Variants in CPA6 observed in about 807,000 individuals in gnomAD.
CPA6 encodes carboxypeptidase B.
In CPA6, 58 loss-of-function variants were observed where a neutral mutation model predicts 63.3. The observed-to-expected ratio is 0.92, with a 90% CI of 0.74 to 1.14. The LOEUF (loss-of-function observed/expected upper bound fraction) is 1.14. Among genes scored for constraint, CPA6 ranks in the 50% most tolerant of loss-of-function variants. The probability of loss-of-function intolerance (pLI) is 0.00; values close to 1 mark genes in which losing one functional copy is unlikely to be tolerated. For synonymous variants in CPA6, 185 were observed against 179.0 expected (o/e 1.03, Z -0.27); for missense variants, 565 against 526.6 (o/e 1.07, Z -0.71).
chr8:67,544,385 A>G (rs577685380), intron 2 of CPA6, among the ~76,000 whole-genome samples: 5 of 152,218 alleles, frequency 3.3e-5, no homozygotes, highest in African/African-American at 9.6e-5. Context: ...TCTCTGGAGC[A>G]CCCATTGCTT....
intron 2 of CPA6, among the ~76,000 whole-genome samples, chr8:67,552,823 G>A (rs868663626): frequency 1.4e-5 from 2 of 144,508 alleles, no homozygotes; most frequent in East Asian, 2.0e-4. Context: ...AACAAGAGAA[G>A]GGCCTCTTTC....
intron 2 of CPA6, among the ~76,000 whole-genome samples, chr8:67,528,916 C>T (rs1812420945): frequency 1.3e-5 from 2 of 151,558 alleles, no homozygotes; most frequent in Admixed American, 1.3e-4. Flanking sequence ...ACAGGAGAGA[C>T]TATTGAAAAG....
intron 1 of CPA6, among the ~76,000 whole-genome samples, chr8:67,675,868 C>T (rs1367142442): frequency 6.6e-6 from 1 of 152,188 alleles, no homozygotes; most frequent in African/African-American, 2.4e-5. Context: ...TGGAGTCTCA[C>T]TACATTGCCC....
chr8:67,593,932 C>T (rs1429165342), intron 2 of CPA6, among the ~76,000 whole-genome samples: 3 of 148,428 alleles, frequency 2.0e-5, no homozygotes, highest in Non-Finnish European at 3.0e-5. Context: ...CATTATGATG[C>T]TAGCTGGTTA....
intron 2 of CPA6, among the ~76,000 whole-genome samples, chr8:67,619,984 C>T (rs577583514): frequency 6.6e-6 from 1 of 152,190 alleles, no homozygotes; most frequent in Non-Finnish European, 1.5e-5. Flanking sequence ...AATGGGCAAT[C>T]AAACCTAGTG....
chr8:67,428,472 T>C (rs930179001), intron 9 of CPA6, among the ~76,000 whole-genome samples: 13 of 152,234 alleles, frequency 8.5e-5, no homozygotes, highest in African/African-American at 2.9e-4. Flanking sequence ...TTGACTTTAG[T>C]TCAAGGCAAC....
At chr8:67,642,793 TCACACA>T (rs61054637) in intron 1 of CPA6, among the ~76,000 whole-genome samples, 36 of 145,172 alleles carry the variant, frequency 2.5e-4, no homozygotes, top group African/African-American at 6.1e-4. Flanking sequence ...GGCCTTTATC[TCACACA>T]CACACACACA....
intron 2 of CPA6, among the ~76,000 whole-genome samples, chr8:67,606,174 G>A (rs1030018207): frequency 7.5e-6 from 1 of 133,296 alleles, no homozygotes; most frequent in Non-Finnish European, 1.6e-5. Flanking sequence ...ACACTCTGGG[G>A]ACTGTTTTGG....
At chr8:67,446,858 G>A (rs921866631) in intron 8 of CPA6, among the ~76,000 whole-genome samples, 29 of 152,042 alleles carry the variant, frequency 1.9e-4, no homozygotes, top group African/African-American at 6.0e-4. Context: ...AAAACTGAGC[G>A]TAGTTAACAT....
chr8:67,608,237 T>C (rs985766839), intron 2 of CPA6, among the ~76,000 whole-genome samples: 1 of 152,138 alleles, frequency 6.6e-6, no homozygotes, highest in Non-Finnish European at 1.5e-5. Context: ...AGAACAGGCA[T>C]TCCTGTTTTC....
intron 8 of CPA6, among the ~76,000 whole-genome samples, chr8:67,443,632 A>G (rs1213950883): frequency 6.6e-6 from 1 of 152,200 alleles, no homozygotes; most frequent in Non-Finnish European, 1.5e-5. Flanking sequence ...AAGAAACCCC[A>G]TACTTTTTAG....
At chr8:67,424,550 T>C (rs1442443144) in intron 10 of CPA6, among the ~76,000 whole-genome samples, 3 of 152,208 alleles carry the variant, frequency 2.0e-5, no homozygotes, top group Non-Finnish European at 1.5e-5. Context: ...CTTTGTGTTA[T>C]TAATTATGCA....
chr8:67,467,694 T>C (rs1810957916), intron 8 of CPA6, among the ~76,000 whole-genome samples: 1 of 152,132 alleles, frequency 6.6e-6, no homozygotes, highest in Admixed American at 6.6e-5. Context: ...TCAGTTGTTT[T>C]CTTCCAGCTT....
chr8:67,469,956 T>C (rs573245897), intron 8 of CPA6, among the ~76,000 whole-genome samples: 136 of 152,226 alleles, frequency 8.9e-4, no homozygotes, highest in Non-Finnish European at 1.6e-3. Context: ...CCCAAGTACC[T>C]AGCTCACAAT....
chr8:67,450,472 C>T (rs936147020), intron 8 of CPA6, among the ~76,000 whole-genome samples: 3 of 152,196 alleles, frequency 2.0e-5, no homozygotes, highest in Non-Finnish European at 2.9e-5. Context: ...TAAGCCACTC[C>T]TGAAGTCTAG....
chr8:67,481,541 T>C (rs1385447970), intron 8 of CPA6, among the ~76,000 whole-genome samples: 1 of 152,226 alleles, frequency 6.6e-6, no homozygotes, highest in African/African-American at 2.4e-5. Flanking sequence ...ATCCACAGAT[T>C]CTTCATGGTA....
intron 2 of CPA6, among the ~76,000 whole-genome samples, chr8:67,530,381 T>C (rs917708385): frequency 6.6e-6 from 1 of 152,074 alleles, no homozygotes; most frequent in Non-Finnish European, 1.5e-5. Context: ...GCTGTTGAGT[T>C]CACAGTGAAT....
At chr8:67,442,187 A>G (rs75566522) in intron 8 of CPA6, among the ~76,000 whole-genome samples, 2 of 152,218 alleles carry the variant, frequency 1.3e-5, no homozygotes, top group East Asian at 3.9e-4. Context: ...CTTAACAAAA[A>G]TTTTTGAATA....
At chr8:67,629,544 C>A (rs1158380065) in intron 1 of CPA6, among the ~76,000 whole-genome samples, 1 of 149,510 alleles carries the variant, frequency 6.7e-6, no homozygotes, top group East Asian at 2.0e-4. Flanking sequence ...TAAAAGTGAA[C>A]TATATATACA....
Sources: allele counts gnomAD v4.1 joint callset (sites outside exome capture counted in the v4.1 genomes callset), GRCh38; gene constraint gnomAD v4.1.1; transcripts MANE v1.5; gene names NCBI Gene and HGNC (gene_info 2026-07-23, HGNC 2026-07-21).